Variants in PTPRR observed in about 807,000 individuals in gnomAD.
PTPRR encodes protein tyrosine phosphatase receptor type R.
Under a neutral mutation model 77.2 loss-of-function variants are expected in PTPRR, and 38 were observed. That is an observed-to-expected ratio of 0.49 (90% CI 0.38 to 0.65). The LOEUF (loss-of-function observed/expected upper bound fraction) is 0.65, where lower values mean the gene tolerates loss of function less well. PTPRR is among the 30% of genes least tolerant of loss of function. The pLI is 0.00. For missense variants in PTPRR, 744 were observed against 799.2 expected (o/e 0.93, Z 0.83); for synonymous variants, 299 against 283.1 (o/e 1.06, Z -0.57).
intron 8 of PTPRR, among the ~76,000 whole-genome samples, chr12:70,688,685 G>C (rs1166084424): frequency 6.6e-6 from 1 of 152,150 alleles, no homozygotes; most frequent in African/African-American, 2.4e-5. Flanking sequence ...TTCCACTTCT[G>C]AGTATATATC....
At chr12:70,799,106 C>T (rs960120764) in intron 2 of PTPRR, among the ~76,000 whole-genome samples, 5 of 152,158 alleles carry the variant, frequency 3.3e-5, no homozygotes, top group African/African-American at 1.2e-4. Flanking sequence ...AAAGACAAGT[C>T]TAAGATCCGC....
intron 2 of PTPRR, among the ~76,000 whole-genome samples, chr12:70,864,905 G>A (rs185775912): frequency 4.2e-4 from 64 of 152,198 alleles, no homozygotes; most frequent in African/African-American, 1.3e-3. Context: ...TCCACTTCCC[G>A]GGTTCAAGTG....
chr12:70,811,688 G>A (rs944696649), intron 2 of PTPRR, among the ~76,000 whole-genome samples: 1 of 152,172 alleles, frequency 6.6e-6, no homozygotes, highest in African/African-American at 2.4e-5. Flanking sequence ...CCTTTTGCAT[G>A]TACTAGTTCA....
chr12:70,718,476 G>A (rs10879189), intron 6 of PTPRR, among the ~76,000 whole-genome samples: 47,146 of 151,912 alleles, frequency 0.31, 7,632 homozygotes, highest in South Asian at 0.48. Context: ...CATGATGGCT[G>A]GGCTGGTCTC....
chr12:70,881,138 A>G (rs950397014), intron 2 of PTPRR, among the ~76,000 whole-genome samples: 11 of 152,222 alleles, frequency 7.2e-5, no homozygotes, highest in Non-Finnish European at 1.0e-4. Flanking sequence ...AACAGAAATG[A>G]ACTTGATGGC....
At chr12:70,750,906 CTTT>C (rs35134063) in intron 5 of PTPRR, among the ~76,000 whole-genome samples, 2 of 141,154 alleles carry the variant, frequency 1.4e-5, no homozygotes, top group Admixed American at 7.1e-5. Flanking sequence ...TTTTTAAACC[CTTT>C]TTTTTTTTTT....
chr12:70,720,155 G>C (rs962873930), intron 6 of PTPRR, among the ~76,000 whole-genome samples: 3 of 152,180 alleles, frequency 2.0e-5, no homozygotes, highest in Admixed American at 6.5e-5. Context: ...GGTGGAAAAA[G>C]AAAAATCCTC....
At chr12:70,781,230 T>G (rs1891196877) in intron 2 of PTPRR, among the ~76,000 whole-genome samples, 1 of 152,194 alleles carries the variant, frequency 6.6e-6, no homozygotes, top group Admixed American at 6.5e-5. Flanking sequence ...GGCTGACAAC[T>G]TTACAACTTT....
chr12:70,707,799 C>T (rs1209712279), intron 6 of PTPRR, among the ~76,000 whole-genome samples: 3 of 152,008 alleles, frequency 2.0e-5, no homozygotes, highest in African/African-American at 7.2e-5. Flanking sequence ...TGCAGTTGTT[C>T]CTTAGCAAGG....
At chr12:70,850,510 C>G (rs113197604) in intron 2 of PTPRR, among the ~76,000 whole-genome samples, 1 of 152,100 alleles carries the variant, frequency 6.6e-6, no homozygotes, top group Admixed American at 6.6e-5. Context: ...TTCCCATCAC[C>G]GATTTCTATA....
chr12:70,672,364 C>G lies in PTPRR; in HGVS notation c.1498-9759G>C, dbSNP rs531467082. The stretch of plus-strand genomic sequence containing the variant: ...TGGAGCCCTATGATGAGATGGTCCT[C>G]CCATCAGAGAGCCAGGAGGTAGACT... On this transcript the variant is annotated intron_variant, in intron 10 of 13. Transcript: ENST00000283228. The G allele has an allele frequency of 2.0e-5, 28 of 1,384,816 alleles. No homozygotes were observed. The East Asian group carries it at 6.2e-4, about 31-fold the overall frequency. 85.8% of individuals were successfully genotyped at this position (1,384,816 alleles called of 1,614,324 possible).
chr12:70,848,219 C>G (rs74845453), intron 2 of PTPRR, among the ~76,000 whole-genome samples: 4,328 of 152,274 alleles, frequency 0.028, 100 homozygotes, highest in Non-Finnish European at 0.045. Flanking sequence ...GACAATCGTA[C>G]TAGCACTGAA....
At chr12:70,733,888 T>C (rs924392392) in intron 6 of PTPRR, among the ~76,000 whole-genome samples, 1 of 152,220 alleles carries the variant, frequency 6.6e-6, no homozygotes, top group Non-Finnish European at 1.5e-5. Context: ...TGGGTGAATT[T>C]GATGAGAGGA....
At chr12:70,916,112 G>A (rs1565740201) in intron 1 of PTPRR, among the ~76,000 whole-genome samples, 1 of 152,146 alleles carries the variant, frequency 6.6e-6, no homozygotes, top group East Asian at 1.9e-4. Flanking sequence ...GAAAAGTTAG[G>A]CAGGGAAAGG....
intron 2 of PTPRR, among the ~76,000 whole-genome samples, chr12:70,810,850 C>T (rs564495208): frequency 2.4e-4 from 37 of 152,276 alleles, no homozygotes; most frequent in Non-Finnish European, 5.1e-4. Flanking sequence ...ACCTTTAAGA[C>T]CTCATATGTA....
chr12:70,853,367 C>T (rs1892601888), intron 2 of PTPRR, among the ~76,000 whole-genome samples: 1 of 152,152 alleles, frequency 6.6e-6, no homozygotes, highest in Non-Finnish European at 1.5e-5. Context: ...CAGTACTTGA[C>T]CATTACACAT....
Position 70,737,706 on chromosome 12 carries a change from A to T in PTPRR, c.1007+8112T>A, listed in dbSNP as rs577828963. Reference sequence around the variant, plus strand: ...GGCTAATTTGTTAAAAAATTTTTGTAGAGACGGGGTCTCACTATGTTGCCC... The same window carrying T: ...GGCTAATTTGTTAAAAAATTTTTGTTGAGACGGGGTCTCACTATGTTGCCC... On this transcript the variant is annotated intron_variant, in intron 6 of 13. Coordinates refer to ENST00000283228, the MANE Select transcript of PTPRR (RefSeq NM_002849.4). Among the ~76,000 whole-genome samples the T allele has an allele frequency of 8.5e-5, 13 of 152,184 alleles. 1 individual carries two copies. Among genetic ancestry groups the T allele is most frequent in the Admixed American group, 6.5e-4 (10 of 15,286 alleles).
intron 10 of PTPRR, among the ~76,000 whole-genome samples, chr12:70,675,762 T>G (rs1176427056): frequency 6.6e-6 from 1 of 151,946 alleles, no homozygotes; most frequent in Non-Finnish European, 1.5e-5. Flanking sequence ...AGTTTGAAAA[T>G]GTCTTTCACA....
Position 70,826,846 on chromosome 12 carries a change from G to T in PTPRR, c.358-62068C>A, listed in dbSNP as rs141580156. Among the ~76,000 whole-genome samples, 220 of 152,224 alleles carry T rather than the reference G, an allele frequency of 1.4e-3. 2 individuals are homozygous for T. The highest frequency in any genetic ancestry group is 5.1e-3 in the African/African-American group (213 of 41,538). On this transcript the variant is annotated intron_variant, in intron 2 of 13. Coordinates refer to ENST00000283228, the MANE Select transcript of PTPRR (RefSeq NM_002849.4). ...TTGCCTCATCCTCAAGGCTCTATTG[G>T]ATCTGATCCCTCCTCCTCTACCCTT...
Sources: gnomAD v4.1 joint callset for allele counts (sites outside exome capture counted in the v4.1 genomes callset) on GRCh38, gnomAD v4.1.1 for gene constraint, MANE v1.5 for transcripts, NCBI Gene and HGNC (gene_info 2026-07-23, HGNC 2026-07-21) for gene names.